Variants in LIMS1 observed in about 807,000 individuals in gnomAD.
LIMS1 encodes the protein LIM zinc finger domain containing 1.
Under a neutral mutation model 44.1 loss-of-function variants are expected in LIMS1, and 18 were observed. The observed-to-expected ratio is 0.41, with a 90% confidence interval of 0.28 to 0.61. LIMS1 has a LOEUF of 0.61. Ranked by LOEUF, LIMS1 falls within the 20% of genes least tolerant of loss-of-function variation. The pLI is 0.32. For synonymous variants in LIMS1, 93 were observed against 149.1 expected, an observed-to-expected ratio of 0.62 and a Z score of 2.74; for missense variants, 201 against 422.0, an observed-to-expected ratio of 0.48 and a Z score of 4.59.
rs547505040 is a variant in LIMS1 at position 108,617,887 on chromosome 2, G to C, written c.33-41718G>C. Among the ~76,000 whole-genome samples, 21 of 152,322 alleles carry C rather than the reference G, an allele frequency of 1.4e-4. No homozygotes were observed. The South Asian group carries it at 3.5e-3, about 26-fold the overall frequency. On this transcript the variant is annotated intron_variant, in intron 1 of 9. Transcript: ENST00000544547. ...TGCTGGAGTCAAAGTACAGATTCAA[G>C]GAGAACCCAGCAGTTTGGAAAAAAG...
At chr2:108,593,816 C>T (rs567541926) in intron 1 of LIMS1, among the ~76,000 whole-genome samples, 1 of 152,330 alleles carries the variant, frequency 6.6e-6, no homozygotes, top group South Asian at 2.1e-4. Flanking sequence ...AGGTACTTTT[C>T]ATTCCTGTAA....
chr2:108,639,336 C>T (rs1488038896), intron 1 of LIMS1, among the ~76,000 whole-genome samples: 1 of 152,176 alleles, frequency 6.6e-6, no homozygotes, highest in Admixed American at 6.5e-5. Flanking sequence ...ATCGTATGTC[C>T]TTTGTATGTT....
At chr2:108,538,619 A>G (rs1028390123) in intron 1 of LIMS1, among the ~76,000 whole-genome samples, 2 of 152,228 alleles carry the variant, frequency 1.3e-5, no homozygotes, top group African/African-American at 4.8e-5. Context: ...ATTTACAAGT[A>G]ATGTTTACAC....
intron 1 of LIMS1, among the ~76,000 whole-genome samples, chr2:108,578,587 A>ATTTTTTTTTT (rs575139291): frequency 3.0e-5 from 3 of 100,792 alleles, no homozygotes; most frequent in Non-Finnish European, 5.9e-5. Context: ...AATGTAAATA[A>ATTTTTTTTTT]TTTTTTTTTT....
intron 1 of LIMS1, among the ~76,000 whole-genome samples, chr2:108,584,134 A>G (rs906678462): frequency 6.6e-6 from 1 of 152,136 alleles, no homozygotes; most frequent in Non-Finnish European, 1.5e-5. Flanking sequence ...TGCTGGAGAG[A>G]AGCAAACCCA....
Position 108,557,929 on chromosome 2 carries a change from A to G in LIMS1, c.32+23335A>G, listed in dbSNP as rs80135713. 1.8e-4 allele frequency among the ~76,000 whole-genome samples: 27 copies of G among 152,368 alleles called. No individual in the cohort carries two copies. In the East Asian group the frequency reaches 4.6e-3, roughly 26 times the overall value. On this transcript the variant is annotated intron_variant, in intron 1 of 9. Transcript: ENST00000544547. ...AATTGGTTTATTTCTACTAATAAGT[A>G]CAATGTTATCTCTATGATCTGTGAA... is the stretch of plus-strand genomic sequence containing the variant.
At chr2:108,635,064 G>A (rs557391093) in intron 1 of LIMS1, among the ~76,000 whole-genome samples, 3 of 152,166 alleles carry the variant, frequency 2.0e-5, no homozygotes, top group Non-Finnish European at 4.4e-5. Flanking sequence ...CTACACTGGG[G>A]TGTGGGGTGG....
At chr2:108,624,156 G>A (rs1688426517) in intron 1 of LIMS1, among the ~76,000 whole-genome samples, 1 of 152,222 alleles carries the variant, frequency 6.6e-6, no homozygotes, top group Non-Finnish European at 1.5e-5. Context: ...TGGGTCGGAA[G>A]CCCCAGACCT....
intron 1 of LIMS1, among the ~76,000 whole-genome samples, chr2:108,641,773 CA>C (rs1014594534): frequency 6.6e-5 from 10 of 152,092 alleles, no homozygotes; most frequent in African/African-American, 2.4e-4. Flanking sequence ...ATTGACAAGG[CA>C]AAATGGCATA....
rs544104923 is a variant in LIMS1, at chr2:108,542,260, C to T, written c.32+7666C>T. Among the ~76,000 whole-genome samples the T allele has an allele frequency of 1.1e-4, 16 of 152,326 alleles. No individual in the cohort carries two copies. The South Asian group carries it at 1.2e-3, about 12-fold the overall frequency. ...AGGAGAAATTCAGATGATATTTAGG[C>T]ATCCTTGTTTAGTTTCCTCCTAGGC... On this transcript the variant is annotated intron_variant, in intron 1 of 9. Transcript: ENST00000544547.
At chr2:108,566,251 G>C (rs182584860) in intron 1 of LIMS1, among the ~76,000 whole-genome samples, 1 of 152,102 alleles carries the variant, frequency 6.6e-6, no homozygotes, top group Non-Finnish European at 1.5e-5. Flanking sequence ...GGCATATCAC[G>C]CAGAGCAGTG....
At chr2:108,600,753 A>G (rs1686963620) in intron 1 of LIMS1, among the ~76,000 whole-genome samples, 1 of 152,124 alleles carries the variant, frequency 6.6e-6, no homozygotes, top group African/African-American at 2.4e-5. Flanking sequence ...TGCCAATACC[A>G]TGCTGTTTTG....
At chr2:108,551,707 A>T (rs935506176) in intron 1 of LIMS1, among the ~76,000 whole-genome samples, 1 of 146,408 alleles carries the variant, frequency 6.8e-6, no homozygotes, top group Non-Finnish European at 1.5e-5. Context: ...ACTAGTATAT[A>T]TGTATATAGT....
chr2:108,627,481 TTTG>T (rs1310764647), intron 1 of LIMS1, among the ~76,000 whole-genome samples: 1 of 151,918 alleles, frequency 6.6e-6, no homozygotes, highest in Non-Finnish European at 1.5e-5. Flanking sequence ...AATCTGTAAT[TTTG>T]TTGTCAGTAC....
intron 1 of LIMS1, among the ~76,000 whole-genome samples, chr2:108,539,299 A>G (rs1684242322): frequency 6.6e-6 from 1 of 152,100 alleles, no homozygotes; most frequent in Non-Finnish European, 1.5e-5. Flanking sequence ...TGCCCAGCCT[A>G]GTGTTGAATT....
chr2:108,650,688 A>G (rs1690418081), intron 1 of LIMS1, among the ~76,000 whole-genome samples: 1 of 152,110 alleles, frequency 6.6e-6, no homozygotes, highest in Non-Finnish European at 1.5e-5. Flanking sequence ...GGCCTCCCAA[A>G]GTGCAGGGAT....
intron 1 of LIMS1, among the ~76,000 whole-genome samples, chr2:108,587,318 G>GTGTC (rs1465153078): frequency 1.3e-5 from 2 of 150,854 alleles, no homozygotes; most frequent in Non-Finnish European, 3.0e-5. Flanking sequence ...GTGTGTGTGT[G>GTGTC]TGTGTGTGTG....
intron 1 of LIMS1, among the ~76,000 whole-genome samples, chr2:108,629,830 T>C (rs75615246): frequency 0.021 from 3,212 of 152,310 alleles, 47 homozygotes; most frequent in Non-Finnish European, 0.025. Flanking sequence ...TGCAGATTCC[T>C]TTCCTGAGGT....
intron 1 of LIMS1, among the ~76,000 whole-genome samples, chr2:108,630,775 A>C (rs1011718676): frequency 3.9e-5 from 6 of 152,156 alleles, no homozygotes; most frequent in Non-Finnish European, 8.8e-5. Flanking sequence ...TTCACCACCC[A>C]TGGCTCTAGC....
Sources: gnomAD v4.1 joint callset for allele counts (sites outside exome capture counted in the v4.1 genomes callset) on GRCh38, gnomAD v4.1.1 for gene constraint, MANE v1.5 for transcripts, NCBI Gene and HGNC (gene_info 2026-07-23, HGNC 2026-07-21) for gene names.